Variants in DIP2A observed in about 807,000 individuals in gnomAD.
DIP2A encodes the protein disco-interacting protein 2 homolog A.
Under a neutral mutation model 177.4 loss-of-function variants are expected in DIP2A, and 85 were observed. The ratio of observed to expected loss-of-function variants is 0.48; its 90% CI spans 0.40 to 0.57. DIP2A has a LOEUF of 0.57. Ranked by LOEUF, DIP2A falls within the 20% of genes least tolerant of loss-of-function variation. DIP2A has a pLI of 0.00. For synonymous variants in DIP2A, 886 were observed against 881.8 expected, an observed-to-expected ratio of 1.00 and a Z score of -0.08; for missense variants, 1,791 against 2,100.2, an observed-to-expected ratio of 0.85 and a Z score of 2.88.
intron 37 of DIP2A, 76 bp from the exon 38 acceptor site, chr21:46,567,294 A>G: frequency 6.5e-7 from 1 of 1,542,838 alleles, no homozygotes; most frequent in Non-Finnish European, 8.8e-7. Flanking sequence ...TCTTTGTGCC[A>G]CCCTTTCCCA....
chr21:46,510,699 C>T (rs975369948), intron 7 of DIP2A, among the ~76,000 whole-genome samples: 7 of 144,012 alleles, frequency 4.9e-5, no homozygotes, highest in African/African-American at 1.0e-4. Context: ...GGTGCGATCT[C>T]GAATCACTTC....
At chr21:46,546,450 G>A (rs1180526597) in intron 20 of DIP2A, 1 of 347,504 alleles carries the variant, frequency 2.9e-6, no homozygotes, top group South Asian at 8.6e-5. Flanking sequence ...CTAGAGGCCA[G>A]AGATGCTGCT....
intron 33 of DIP2A, chr21:46,561,334 T>C (rs2060656517): frequency 1.2e-5 from 4 of 328,174 alleles, no homozygotes. Context: ...GTGCATACAG[T>C]GTGTGCTTGC....
At chr21:46,550,067 A>T in intron 22 of DIP2A, 182 bp downstream of exon 22, 1 of 1,398,808 alleles carries the variant, frequency 7.1e-7, no homozygotes, top group Non-Finnish European at 9.4e-7. Context: ...ATACAAAGTG[A>T]TGTTATAATT....
intron 8 of DIP2A, among the ~76,000 whole-genome samples, chr21:46,520,014 A>G (rs879650215): frequency 1.8e-4 from 27 of 151,768 alleles, no homozygotes; most frequent in Middle Eastern, 3.4e-3. Flanking sequence ...AGCTGGGACT[A>G]CAGGCACCCG....
chr21:46,477,125 C>A (rs1024146455), intron 1 of DIP2A, among the ~76,000 whole-genome samples: 4 of 152,146 alleles, frequency 2.6e-5, no homozygotes, highest in African/African-American at 9.7e-5. Flanking sequence ...GTGGGCACCT[C>A]CAGTAGGACC....
intron 6 of DIP2A, among the ~76,000 whole-genome samples, chr21:46,506,203 G>C (rs997130636): frequency 6.6e-6 from 1 of 151,858 alleles, no homozygotes; most frequent in Non-Finnish European, 1.5e-5. Flanking sequence ...CTGAAACCTC[G>C]CCATCCTGGG....
chr21:46,554,128 A>C, intron 25 of DIP2A, 41 bp from the exon 26 acceptor site: 1 of 1,594,696 alleles, frequency 6.3e-7, no homozygotes, highest in Non-Finnish European at 8.6e-7. Flanking sequence ...GCCCACCTGC[A>C]CGCACCAGCA....
chr21:46,576,862 C>T, the DIP2A span, among the ~76,000 whole-genome samples: 1 of 152,290 alleles, frequency 6.6e-6, no homozygotes, highest in African/African-American at 2.4e-5. Context: ...TTTTGACTTG[C>T]ATTTCTCTAA....
At position 46,563,943 on chromosome 21, in the gene DIP2A, G is replaced by T; in HGVS notation, c.4164+11G>T. 1 of 1,612,026 alleles carries T rather than the reference G, an allele frequency of 6.2e-7. No individual in the cohort carries two copies. The highest frequency in any genetic ancestry group is 2.2e-5 in the East Asian group (1 of 44,786). Reference sequence around the variant, plus strand: ...TCACACCTGGGAGAGGTGAGCAGGGGCCCATGGGAGGGGCTTGAGCTCTCC... The same window carrying T: ...TCACACCTGGGAGAGGTGAGCAGGGTCCCATGGGAGGGGCTTGAGCTCTCC... On this transcript the variant is annotated intron_variant, in intron 35 of 37. Coordinates refer to ENST00000417564, the MANE Select transcript of DIP2A (RefSeq NM_015151.4). The surrounding 1 kb of genome is among the most constrained non-coding windows in gnomAD (Gnocchi z 4.3).
At chr21:46,471,333 A>ATT (rs1291070758) in intron 1 of DIP2A, among the ~76,000 whole-genome samples, 2 of 152,016 alleles carry the variant, frequency 1.3e-5, no homozygotes, top group Non-Finnish European at 2.9e-5. Flanking sequence ...GCCTGGCCTT[A>ATT]TTTGTTTTTG....
intron 5 of DIP2A, among the ~76,000 whole-genome samples, chr21:46,500,296 T>C (rs1048479376): frequency 6.6e-6 from 1 of 152,214 alleles, no homozygotes; most frequent in African/African-American, 2.4e-5. Context: ...GGCAGCATTT[T>C]CCACAGAGAA....
chr21:46,563,165 G>A lies in DIP2A; in HGVS notation c.4090-693G>A, dbSNP rs969222829. ...AAACAGAACAGTCCCACTCCGCCGG[G>A]GAGGGTCTGGCGGTAACCGTAGCTC... is the stretch of plus-strand genomic sequence containing the variant. On this transcript the variant is annotated intron_variant, in intron 34 of 37. Transcript: ENST00000417564. This position sits in a 1 kb window ranked among gnomAD's most constrained non-coding sequence, Gnocchi z 4.3. Among the ~76,000 whole-genome samples the A allele has an allele frequency of 6.6e-6, 1 of 152,178 alleles. No homozygotes were observed. Among genetic ancestry groups the A allele is most frequent in the Non-Finnish European group, 1.5e-5 (1 of 68,034 alleles).
At chr21:46,512,767 A>G (rs1224765522) in intron 8 of DIP2A, among the ~76,000 whole-genome samples, 3 of 151,520 alleles carry the variant, frequency 2.0e-5, no homozygotes, top group Non-Finnish European at 4.4e-5. Context: ...AGTAGCTGGG[A>G]CCATAGGCTC....
At chr21:46,565,681 C>G (rs369498555) in intron 35 of DIP2A, 32 bp from the exon 36 acceptor site, 6 of 1,588,698 alleles carry the variant, frequency 3.8e-6, no homozygotes, top group Non-Finnish European at 5.2e-6. Flanking sequence ...TGGTTGGTAA[C>G]ACATCACATT....
chr21:46,551,591 T>G, intron 23 of DIP2A, 43 bp from the exon 24 acceptor site: 16 of 1,538,084 alleles, frequency 1.0e-5, no homozygotes, highest in Non-Finnish European at 1.3e-5. Context: ...TGTTTATATA[T>G]GAGAAGTCAC....
intron 3 of DIP2A, among the ~76,000 whole-genome samples, chr21:46,496,390 T>A (rs1261206360): frequency 1.3e-5 from 2 of 152,212 alleles, no homozygotes; most frequent in African/African-American, 4.8e-5. Flanking sequence ...GTTATTTTTG[T>A]CCTTATTAGA....
At chr21:46,496,654 A>G (rs1450138487) in intron 3 of DIP2A, among the ~76,000 whole-genome samples, 2 of 152,222 alleles carry the variant, frequency 1.3e-5, no homozygotes, top group Non-Finnish European at 2.9e-5. Flanking sequence ...CTCCTGAGCC[A>G]TATGAGGCCC....
At chr21:46,571,294 A>G (rs528628858), downstream of DIP2A, among the ~76,000 whole-genome samples, 1 of 152,340 alleles carries the variant, frequency 6.6e-6, no homozygotes, top group Non-Finnish European at 1.5e-5. Flanking sequence ...ATTGTCTTCC[A>G]CAAAACCAGT....
Sources: allele counts gnomAD v4.1 joint callset (sites outside exome capture counted in the v4.1 genomes callset), GRCh38; gene constraint gnomAD v4.1.1; non-coding constraint Gnocchi (gnomAD v3.1); transcripts MANE v1.5; gene names NCBI Gene and HGNC (gene_info 2026-07-23, HGNC 2026-07-21).